Variants in SSH2 observed in about 807,000 individuals in gnomAD.
The protein encoded by SSH2 is protein phosphatase Slingshot homolog 2.
Under a neutral mutation model 135.2 loss-of-function variants are expected in SSH2, and 37 were observed. The observed-to-expected ratio is 0.27, with a 90% CI of 0.21 to 0.36. SSH2 has a LOEUF of 0.36. SSH2 is among the 10% of genes least tolerant of loss of function. The pLI, the probability that SSH2 is intolerant of heterozygous loss-of-function variation, is 1.00. For synonymous variants in SSH2, 628 were observed against 646.2 expected (o/e 0.97, Z 0.43); for missense variants, 1,408 against 1,765.3 (o/e 0.80, Z 3.63).
intron 3 of SSH2, among the ~76,000 whole-genome samples, chr17:29,782,593 T>C (rs2041862811): frequency 6.6e-6 from 1 of 151,092 alleles, no homozygotes; most frequent in Non-Finnish European, 1.5e-5. Flanking sequence ...TTGTTTTTTG[T>C]TTTTTTTTCT....
At chr17:29,861,905 C>T (rs763288076) in intron 1 of SSH2, among the ~76,000 whole-genome samples, 6 of 152,114 alleles carry the variant, frequency 3.9e-5, no homozygotes, top group Non-Finnish European at 8.8e-5. Context: ...TTTCTAGAAT[C>T]CAGTGTTTAC....
intron 3 of SSH2, among the ~76,000 whole-genome samples, chr17:29,708,594 A>G (rs1222667942): frequency 1.3e-5 from 2 of 151,188 alleles, no homozygotes; most frequent in African/African-American, 4.8e-5. Context: ...TGCTTCAAAA[A>G]AAAAAAAAAA....
At chr17:29,899,151 G>A (rs1394459418) in intron 1 of SSH2, among the ~76,000 whole-genome samples, 2 of 151,924 alleles carry the variant, frequency 1.3e-5, no homozygotes, top group Non-Finnish European at 2.9e-5. Flanking sequence ...AGCTATCTAT[G>A]ACAAACCCAC....
chr17:29,660,751 A>G (rs2036997893), intron 11 of SSH2, among the ~76,000 whole-genome samples: 2 of 152,076 alleles, frequency 1.3e-5, no homozygotes, highest in South Asian at 4.1e-4. Context: ...ACTTCATAGA[A>G]ATAAAGTCAA....
At chr17:29,660,432 A>G (rs1289137739) in intron 11 of SSH2, among the ~76,000 whole-genome samples, 1 of 151,384 alleles carries the variant, frequency 6.6e-6, no homozygotes, top group Admixed American at 6.6e-5. Context: ...ACATTCAGCT[A>G]ATTTTTGTAT....
At chr17:29,851,937 T>A (rs2065568947) in intron 1 of SSH2, among the ~76,000 whole-genome samples, 2 of 152,140 alleles carry the variant, frequency 1.3e-5, no homozygotes, top group African/African-American at 4.8e-5. Context: ...AGTTAAGATG[T>A]TGCAGCTTTC....
At chr17:29,804,843 CTTTTTTT>C (rs531310094) in intron 2 of SSH2, among the ~76,000 whole-genome samples, 17 of 98,996 alleles carry the variant, frequency 1.7e-4, no homozygotes, top group African/African-American at 5.1e-4. Context: ...CCACATCTGG[CTTTTTTT>C]TTTTTTTTTT....
intron 1 of SSH2, among the ~76,000 whole-genome samples, chr17:29,869,596 A>G (rs2065906973): frequency 6.6e-6 from 1 of 152,240 alleles, no homozygotes. Flanking sequence ...ATCAAGGAAG[A>G]AATGAAAGAT....
At chr17:29,686,530 T>G (rs893235484) in intron 5 of SSH2, among the ~76,000 whole-genome samples, 46 of 145,946 alleles carry the variant, frequency 3.2e-4, no homozygotes, top group Middle Eastern at 3.6e-3. Context: ...CCCGGCTAAT[T>G]TTTTTTTTTT....
intron 3 of SSH2, among the ~76,000 whole-genome samples, chr17:29,703,276 T>C (rs1344883347): frequency 1.3e-5 from 2 of 152,032 alleles, no homozygotes; most frequent in African/African-American, 4.8e-5. Flanking sequence ...TGAAAGGGAG[T>C]CTTGCTCTGT....
chr17:29,680,440 A>T (rs2037924526), intron 6 of SSH2, among the ~76,000 whole-genome samples: 1 of 149,084 alleles, frequency 6.7e-6, no homozygotes. Context: ...AATCCCAGCT[A>T]CTCGGGAGGC....
In SSH2 at chr17:29,928,545, GA is replaced by G. The variant is rs551873048; in HGVS notation, c.63+1392del. On this transcript the variant is annotated intron_variant, in intron 1 of 15. Transcript: ENST00000540801. ...TACAAATTCTTCCTTACAATCACTGGAAATCTGCCTCCCTGAACCAAGAATC... is the reference window on the plus strand; with the variant it reads ...TACAAATTCTTCCTTACAATCACTGGAATCTGCCTCCCTGAACCAAGAATC... 5.6e-3 allele frequency: 2,228 copies of G among 398,510 alleles called. 10 individuals are homozygous for G. Among genetic ancestry groups the G allele is most frequent in the Non-Finnish European group, 8.3e-3 (1,886 of 226,042 alleles). The allele number at this position is 398,510 out of a possible 1,614,324, so 24.7% of individuals were successfully genotyped here.
intron 1 of SSH2, among the ~76,000 whole-genome samples, chr17:29,872,432 G>T (rs1440873656): frequency 2.0e-5 from 3 of 152,106 alleles, no homozygotes; most frequent in Non-Finnish European, 4.4e-5. Context: ...TTTACAAAAG[G>T]TTAAGTGGGT....
rs2035573681 is a variant in SSH2, at chr17:29,628,888, C to T, written c.*1953G>A. ...CAACTTCACAGCTCCTCTTAAGACCCAGTGGCCCCAGTCTACCTTTTCTGC... is the reference window on the plus strand; with the variant it reads ...CAACTTCACAGCTCCTCTTAAGACCTAGTGGCCCCAGTCTACCTTTTCTGC... On this transcript the variant is annotated 3_prime_UTR_variant, in exon 16 of 16. Coordinates refer to ENST00000540801, the MANE Select transcript of SSH2 (RefSeq NM_001282129.2). 3 of 152,310 alleles carry T rather than the reference C, an allele frequency of 2.0e-5. No individual in the cohort carries two copies. The highest frequency in any genetic ancestry group is 7.2e-5 in the African/African-American group (3 of 41,450). The allele number at this position is 152,310 out of a possible 1,614,324, so 9.4% of individuals were successfully genotyped here.
chr17:29,842,600 G>A (rs1293691225), intron 2 of SSH2, among the ~76,000 whole-genome samples: 2 of 152,082 alleles, frequency 1.3e-5, no homozygotes, highest in African/African-American at 4.8e-5. Flanking sequence ...ACTCAAGAGC[G>A]TAAGATTTTT....
At position 29,677,761 on chromosome 17, in the gene SSH2, C is replaced by A; in HGVS notation, c.480-20G>T. On this transcript the variant is annotated intron_variant, in intron 6 of 15. Transcript: ENST00000540801. ...GTGCTACTGCAAGACAAGAAGTAGT[C>A]CAATAGTTACTCCCCATTACTCTGG... is the stretch of plus-strand genomic sequence containing the variant. 1 of 1,597,976 alleles carries A rather than the reference C, an allele frequency of 6.3e-7. No individual in the cohort carries two copies. Among genetic ancestry groups the A allele is most frequent in the South Asian group, 1.1e-5 (1 of 90,750 alleles).
intron 15 of SSH2, among the ~76,000 whole-genome samples, chr17:29,633,782 G>T (rs553202606): frequency 6.6e-6 from 1 of 152,170 alleles, no homozygotes; most frequent in East Asian, 1.9e-4. Flanking sequence ...ATCAAAATCT[G>T]GGAATAGCCC....
At position 29,929,917 on chromosome 17, in the gene SSH2, C is replaced by T. The variant is rs369553394; in HGVS notation, c.63+21G>A. On this transcript the variant is annotated intron_variant, in intron 1 of 15. Coordinates refer to ENST00000540801, the MANE Select transcript of SSH2 (RefSeq NM_001282129.2). The stretch of plus-strand genomic sequence containing the variant: ...GCCGCAGTGACAGAAGCAAGCGGAG[C>T]GGCCGCCAGGAAGGACTCACCGAGG... The T allele has an allele frequency of 2.0e-4, 310 of 1,578,936 alleles. 4 individuals carry two copies. The East Asian group carries it at 4.1e-3, about 21-fold the overall frequency.
At chr17:29,828,707 G>A (rs951298538) in intron 2 of SSH2, among the ~76,000 whole-genome samples, 40 of 152,104 alleles carry the variant, frequency 2.6e-4, no homozygotes, top group African/African-American at 9.7e-4. Context: ...GCAGTTTTTG[G>A]GGAGACATTA....
Sources: gnomAD v4.1 joint callset for allele counts (sites outside exome capture counted in the v4.1 genomes callset) on GRCh38, gnomAD v4.1.1 for gene constraint, MANE v1.5 for transcripts, NCBI Gene and HGNC (gene_info 2026-07-23, HGNC 2026-07-21) for gene names.